FSD1L: variants seen among roughly 807,000 people sequenced by gnomAD.
The protein encoded by FSD1L is fibronectin type III and SPRY domain containing 1 like.
Under a neutral mutation model 71.6 loss-of-function variants are expected in FSD1L, and 45 were observed. The observed-to-expected ratio is 0.63, with a 90% CI of 0.49 to 0.81. The LOEUF (loss-of-function observed/expected upper bound fraction) is 0.81. Among genes scored for constraint, FSD1L ranks in the 30% least tolerant of loss-of-function variants. The pLI, the probability that FSD1L is intolerant of heterozygous loss-of-function variation, is 0.00. For synonymous variants in FSD1L, 197 were observed against 207.2 expected (o/e 0.95, Z 0.42); for missense variants, 561 against 618.1 (o/e 0.91, Z 0.98).
intron 2 of FSD1L, among the ~76,000 whole-genome samples, chr9:105,463,728 T>A (rs780873952): frequency 3.3e-5 from 5 of 152,258 alleles, no homozygotes; most frequent in Non-Finnish European, 7.3e-5. Context: ...ATTATAGTTC[T>A]ACAGCATCTG....
At chr9:105,522,718 C>T in intron 10 of FSD1L, 3 of 1,604,472 alleles carry the variant, frequency 1.9e-6, no homozygotes, top group Admixed American at 1.7e-5. Flanking sequence ...CAAAAACTGC[C>T]TCCTCTTAAT....
chr9:105,485,018 T>C lies in FSD1L; in HGVS notation c.586+516T>C, dbSNP rs1444614920. 2.0e-5 allele frequency among the ~76,000 whole-genome samples: 3 copies of C among 152,214 alleles called. No individual in the cohort carries two copies. In the East Asian group the frequency reaches 5.8e-4, roughly 29 times the overall value. On this transcript the variant is annotated intron_variant, in intron 7 of 13. Transcript: ENST00000481272. Reference sequence around the variant, plus strand: ...GGTTGTTGGCTCAGATGGAACTTTATCTTCAGTAATATGTTAACATTATTT... The same window carrying C: ...GGTTGTTGGCTCAGATGGAACTTTACCTTCAGTAATATGTTAACATTATTT...
intron 6 of FSD1L, among the ~76,000 whole-genome samples, chr9:105,479,775 TC>T (rs1230392628): frequency 1.3e-5 from 2 of 152,204 alleles, no homozygotes; most frequent in Admixed American, 6.5e-5. Flanking sequence ...TTTTAAGTAG[TC>T]CTCAAGAACT....
chr9:105,464,250 G>T lies in FSD1L; in HGVS notation c.126G>T (p.Arg42Ser). 2 of 1,508,272 alleles carry T rather than the reference G, an allele frequency of 1.3e-6. No homozygotes were observed. Among genetic ancestry groups the T allele is most frequent in the Non-Finnish European group, 1.8e-6 (2 of 1,112,286 alleles). 93.4% of individuals were successfully genotyped at this position (1,508,272 alleles called of 1,614,324 possible). The stretch of plus-strand genomic sequence containing the variant: ...CTTAATTCTAGGAAGCTCTACAGAG[G>T]ATCATTTCAACTCTGGCAAATAAAA... Reference protein sequence around the residue: ...SINLQQEALQRIISTLANKND... With the variant: ...SINLQQEALQSIISTLANKND... Residue 42 changes from arginine (R) to serine (S), a missense_variant, in exon 3 of 14, where the codon AGG becomes AGT. Around this residue, in one of 3 missense-constraint regions of FSD1L, gnomAD observed 410 missense variants for 413.5 expected, o/e 0.99. Coordinates refer to ENST00000481272, the MANE Select transcript of FSD1L (RefSeq NM_001145313.3).
chr9:105,512,873 A>G lies in FSD1L; in HGVS notation c.962A>G (p.Glu321Gly). 6.5e-7 allele frequency: 1 copy of G among 1,543,040 alleles called. No homozygotes were observed. The highest frequency in any genetic ancestry group is 8.8e-7 in the Non-Finnish European group (1 of 1,142,560). The change falls in exon 10 of 14, where the codon GAG (glutamate) becomes GGG (glycine). Residue 321 changes from glutamate to glycine, a missense_variant. Physicochemically the swap from Glu to Gly is moderately conservative, Grantham distance 98. Coordinates refer to ENST00000481272, the MANE Select transcript of FSD1L (RefSeq NM_001145313.3). ...CTGAAAGTTGAAGATACATGTGTAG[A>G]GTGGGATCCTACTGGAGGAAAAGGT... is the stretch of plus-strand genomic sequence containing the variant. ...LNLKVEDTCV[E>G]WDPTGGKGQE...
chr9:105,483,516 C>G (rs566393326), intron 6 of FSD1L, among the ~76,000 whole-genome samples: 1 of 152,184 alleles, frequency 6.6e-6, no homozygotes, highest in African/African-American at 2.4e-5. Context: ...TAGTAAGGGG[C>G]TTACTTTGTG....
At chr9:105,513,043 C>A in intron 10 of FSD1L, 107 bp downstream of exon 10, 1 of 904,712 alleles carries the variant, frequency 1.1e-6, no homozygotes, top group Non-Finnish European at 1.5e-6. Flanking sequence ...ATGAGAGTTA[C>A]AGTATATTAG....
chr9:105,524,727 G>T (rs989951582), intron 10 of FSD1L: 32 of 1,613,816 alleles, frequency 2.0e-5, no homozygotes, highest in Non-Finnish European at 2.7e-5. Context: ...GCCAGTAACA[G>T]AAGTGAAAAC....
chr9:105,492,273 A>C (rs1362131985), intron 7 of FSD1L, among the ~76,000 whole-genome samples: 1 of 152,056 alleles, frequency 6.6e-6, no homozygotes, highest in African/African-American at 2.4e-5. Context: ...TATATTTTCC[A>C]GTTTATTTGC....
At chr9:105,523,424 T>A in intron 10 of FSD1L, 1 of 1,603,960 alleles carries the variant, frequency 6.2e-7, no homozygotes. Flanking sequence ...CTGGATGGCA[T>A]GCTGATGTTG....
chr9:105,465,982 C>T (rs922555903), intron 3 of FSD1L, among the ~76,000 whole-genome samples: 1 of 147,488 alleles, frequency 6.8e-6, no homozygotes, highest in Non-Finnish European at 1.5e-5. Flanking sequence ...AGCGATTCTC[C>T]TGCCTCAGTC....
chr9:105,481,179 G>GTGTGTGTGTGTGTGTGTGTGTGT (rs71364100), intron 6 of FSD1L, among the ~76,000 whole-genome samples: 10 of 115,378 alleles, frequency 8.7e-5, no homozygotes, highest in East Asian at 7.1e-4. Flanking sequence ...GTGTGTGTGT[G>GTGTGTGTGTGTGTGTGTGTGTGT]GTTCTTTTTT....
rs1399052067 is a variant in FSD1L, at chr9:105,506,398, G to A, written c.587-1G>A. The A allele has an allele frequency of 1.3e-6, 2 of 1,536,416 alleles. No individual in the cohort carries two copies. Among genetic ancestry groups the A allele is most frequent in the African/African-American group, 1.4e-5 (1 of 71,668 alleles). On this transcript the variant is annotated splice_acceptor_variant, in intron 7 of 13. Transcript: ENST00000481272. LOFTEE classifies it high-confidence loss of function. The stretch of plus-strand genomic sequence containing the variant: ...GTCTTTTTTTTTTTTCTTCTTTGCA[G>A]TCCCCAAAGCTCCAGAGATAGATCC...
At chr9:105,504,454 A>G (rs1327606583) in intron 7 of FSD1L, among the ~76,000 whole-genome samples, 1 of 152,118 alleles carries the variant, frequency 6.6e-6, no homozygotes, top group Non-Finnish European at 1.5e-5. Flanking sequence ...TTCTAAGTCA[A>G]ATTTTTCCAT....
intron 7 of FSD1L, among the ~76,000 whole-genome samples, chr9:105,499,894 C>T (rs529163614): frequency 6.6e-6 from 1 of 152,082 alleles, no homozygotes; most frequent in African/African-American, 2.4e-5. Flanking sequence ...TTTGTCTTTG[C>T]TGTTTCATCT....
At chr9:105,500,663 C>T (rs188587440) in intron 7 of FSD1L, 2 of 152,276 alleles carry the variant, frequency 1.3e-5, no homozygotes, top group East Asian at 3.9e-4. Flanking sequence ...TGGTGAGAAC[C>T]TGGTAAGCTC....
At chr9:105,502,301 A>C (rs956414784) in intron 7 of FSD1L, among the ~76,000 whole-genome samples, 5 of 152,220 alleles carry the variant, frequency 3.3e-5, no homozygotes, top group Non-Finnish European at 7.4e-5. Context: ...TATTGTTGTT[A>C]CTACCATTAT....
At position 105,512,885 on chromosome 9, in the gene FSD1L, C is replaced by A; in HGVS notation, c.974C>A (p.Thr325Asn). 1 of 1,541,912 alleles carries A rather than the reference C, an allele frequency of 6.5e-7. No individual in the cohort carries two copies. The highest frequency in any genetic ancestry group is 8.8e-7 in the Non-Finnish European group (1 of 1,142,436). ...VEDTCVEWDP[T>N]GGKGQESKIK... ...GATACATGTGTAGAGTGGGATCCTA[C>A]TGGAGGAAAAGGTCAAGAAAGTAAA... is the stretch of plus-strand genomic sequence containing the variant. Residue 325 changes from threonine (T) to asparagine (N), a missense_variant, in exon 10 of 14, where the codon ACT (threonine) becomes AAT (asparagine). Physicochemically the swap from Thr to Asn is moderately conservative, Grantham distance 65 (BLOSUM62 0). Coordinates refer to ENST00000481272, the MANE Select transcript of FSD1L (RefSeq NM_001145313.3).
intron 10 of FSD1L, chr9:105,521,884 C>A (rs1180051440): frequency 6.2e-7 from 1 of 1,612,162 alleles, no homozygotes; most frequent in East Asian, 2.2e-5. Flanking sequence ...CTTGAACCTG[C>A]AAATGAAATA....
Sources: allele counts gnomAD v4.1 joint callset (sites outside exome capture counted in the v4.1 genomes callset), GRCh38; gene constraint gnomAD v4.1.1; regional missense constraint gnomAD v4.1.1; transcripts MANE v1.5; gene names NCBI Gene and HGNC (gene_info 2026-07-23, HGNC 2026-07-21).